The following ELMOD1 variants were observed in gnomAD, a reference collection of about 807,000 sequenced individuals.
ELMOD1 encodes ELMO domain-containing protein 1.
ELMOD1 carries 21 observed loss-of-function variants against 46.7 expected under a neutral mutation model. The observed-to-expected ratio is 0.45, with a 90% CI of 0.32 to 0.65. ELMOD1 has a LOEUF of 0.65. Ranked by LOEUF, ELMOD1 falls within the 30% of genes least tolerant of loss-of-function variation. The probability of loss-of-function intolerance (pLI) is 0.04; values close to 1 mark genes in which losing one functional copy is unlikely to be tolerated. For missense variants in ELMOD1, 348 were observed against 407.8 expected (o/e 0.85, Z 1.26); for synonymous variants, 122 against 138.2 (o/e 0.88, Z 0.82).
At chr11:107,608,895 T>G (rs1166938978) in intron 1 of ELMOD1, among the ~76,000 whole-genome samples, 1 of 152,202 alleles carries the variant, frequency 6.6e-6, no homozygotes, top group East Asian at 1.9e-4. Context: ...GAATATACTG[T>G]GTATTCTCTT....
chr11:107,630,434 G>A lies in ELMOD1; in HGVS notation c.35G>A (p.Cys12Tyr), dbSNP rs748426348. ...TTTCACAGAATGTTGATCCAGGTATGCCTGTATTTTTACTGTAAATTTCTG... is the reference window on the plus strand; with the variant it reads ...TTTCACAGAATGTTGATCCAGGTATACCTGTATTTTTACTGTAAATTTCTG... ...KHFLRMLIQV[C>Y]LYFYCKFLWR... Residue 12 changes from cysteine to tyrosine, a missense_variant, in exon 3 of 12, where the codon TGC (cysteine) becomes TAC (tyrosine). Transcript: ENST00000265840. 1.2e-6 allele frequency: 2 copies of A among 1,600,868 alleles called. No homozygotes were observed. Among genetic ancestry groups the A allele is most frequent in the African/African-American group, 2.7e-5 (2 of 74,930 alleles).
chr11:107,641,494 T>C (rs775284598), intron 6 of ELMOD1, among the ~76,000 whole-genome samples: 14 of 152,118 alleles, frequency 9.2e-5, no homozygotes, highest in Non-Finnish European at 1.5e-4. Flanking sequence ...TTAATACAAA[T>C]ATAAACAGGC....
At chr11:107,592,638 A>C in intron 1 of ELMOD1, 1 of 271,478 alleles carries the variant, frequency 3.7e-6, no homozygotes, top group South Asian at 3.8e-5. Flanking sequence ...CCAAAGGCAC[A>C]CTCTTGTATC....
At chr11:107,618,330 A>G in intron 2 of ELMOD1, 124 bp downstream of exon 2, 2 of 1,118,640 alleles carry the variant, frequency 1.8e-6, no homozygotes, top group Non-Finnish European at 1.3e-6. Context: ...TCTGTGAAAT[A>G]GCACTGCATT....
At chr11:107,630,027 A>G (rs958172556) in intron 2 of ELMOD1, among the ~76,000 whole-genome samples, 2 of 152,166 alleles carry the variant, frequency 1.3e-5, no homozygotes, top group Non-Finnish European at 2.9e-5. Flanking sequence ...CTGTTCATGG[A>G]GGCAAAAGAG....
At chr11:107,662,917 C>G (rs568729985) in intron 11 of ELMOD1, among the ~76,000 whole-genome samples, 79 of 151,274 alleles carry the variant, frequency 5.2e-4, no homozygotes, top group Non-Finnish European at 9.1e-4. Flanking sequence ...TTTGTAGAAA[C>G]GGGGTCTTCC....
intron 6 of ELMOD1, among the ~76,000 whole-genome samples, chr11:107,636,229 T>C (rs1866227088): frequency 6.6e-6 from 1 of 152,198 alleles, no homozygotes; most frequent in Non-Finnish European, 1.5e-5. Flanking sequence ...TGCATGTAAC[T>C]TAGTATTAGA....
chr11:107,602,425 C>G (rs1417577440), intron 1 of ELMOD1, among the ~76,000 whole-genome samples: 1 of 152,132 alleles, frequency 6.6e-6, no homozygotes, highest in Non-Finnish European at 1.5e-5. Context: ...CCAACATTCT[C>G]GCTTTTCTTT....
At chr11:107,593,163 T>C (rs1225498177) in intron 1 of ELMOD1, 1 of 152,684 alleles carries the variant, frequency 6.5e-6, no homozygotes, top group East Asian at 1.9e-4. Context: ...TCTGCAAGGC[T>C]GTTAGTAAGG....
At position 107,648,067 on chromosome 11, in the gene ELMOD1, T is replaced by C. The variant is rs577260404; in HGVS notation, c.554+466T>C. On this transcript the variant is annotated intron_variant, in intron 7 of 11. Coordinates refer to ENST00000265840, the MANE Select transcript of ELMOD1 (RefSeq NM_018712.4). ...TACCTCACATTCACCACAATGCCAT[T>C]ATCACAGCAAACACAATTAACAATG... Among the ~76,000 whole-genome samples the C allele has an allele frequency of 3.7e-4, 57 of 152,320 alleles. 1 individual carries two copies. Among genetic ancestry groups the C allele is most frequent in the Admixed American group, 3.1e-3 (48 of 15,300 alleles).
intron 1 of ELMOD1, among the ~76,000 whole-genome samples, chr11:107,615,523 A>G (rs1027609842): frequency 9.2e-5 from 14 of 151,658 alleles, no homozygotes; most frequent in African/African-American, 3.4e-4. Context: ...GTGAGCCACC[A>G]CACCCAGCCT....
At chr11:107,613,524 T>G (rs1448717860) in intron 1 of ELMOD1, among the ~76,000 whole-genome samples, 2 of 152,180 alleles carry the variant, frequency 1.3e-5, no homozygotes, top group Admixed American at 6.5e-5. Flanking sequence ...GCTGCGTTAC[T>G]CAGCACAATA....
chr11:107,650,212 C>T, intron 7 of ELMOD1, 123 bp from the exon 8 acceptor site: 1 of 620,370 alleles, frequency 1.6e-6, no homozygotes, highest in Non-Finnish European at 2.8e-6. Context: ...GGAGCTGAAA[C>T]AAGTGATAAC....
intron 5 of ELMOD1, 31 bp downstream of exon 5, chr11:107,631,708 A>G (rs1195716190): frequency 7.9e-7 from 1 of 1,270,814 alleles, no homozygotes; most frequent in South Asian, 1.4e-5. Context: ...TCAAAAATAC[A>G]GAACACAAAT....
chr11:107,624,120 C>A (rs1407601884), intron 2 of ELMOD1, among the ~76,000 whole-genome samples: 1 of 152,030 alleles, frequency 6.6e-6, no homozygotes, highest in East Asian at 1.9e-4. Context: ...ATATTTTGAA[C>A]CCTATAATTG....
In ELMOD1 at chr11:107,631,632, A is replaced by G. The variant is rs1866142561; in HGVS notation, c.245A>G (p.Glu82Gly). 6.4e-7 allele frequency: 1 copy of G among 1,564,190 alleles called. No individual in the cohort carries two copies. The highest frequency in any genetic ancestry group is 1.2e-5 in the South Asian group (1 of 84,364). Reference protein sequence around the residue: ...VHPDAIEKTIEDIMELKKINP... With the variant: ...VHPDAIEKTIGDIMELKKINP... ...CCCGACGCTATTGAAAAAACTATAG[A>G]AGATATCATGGAACTGAAAAAAATT... The change falls in exon 5 of 12, where the codon GAA (glutamate) becomes GGA (glycine). Residue 82 changes from glutamate (E) to glycine (G), a missense_variant. Coordinates refer to ENST00000265840, the MANE Select transcript of ELMOD1 (RefSeq NM_018712.4).
At position 107,666,010 on chromosome 11, in the gene ELMOD1, TAAA is replaced by T; in HGVS notation, c.*814_*816del. On this transcript the variant is annotated 3_prime_UTR_variant, in exon 12 of 12. Coordinates refer to ENST00000265840, the MANE Select transcript of ELMOD1 (RefSeq NM_018712.4). ...ATAAATAAATAAATAAATAAATAAATAAATAAAATAGTACAGACAGACACATGA... is the reference window on the plus strand; with the variant it reads ...ATAAATAAATAAATAAATAAATAAATTAAAATAGTACAGACAGACACATGA... 1 of 137,478 alleles carries T rather than the reference TAAA, an allele frequency of 7.3e-6. No homozygotes were observed. The highest frequency in any genetic ancestry group is 1.6e-5 in the Non-Finnish European group (1 of 61,948). 8.5% of individuals were successfully genotyped at this position (137,478 alleles called of 1,614,324 possible).
intron 10 of ELMOD1, 91 bp downstream of exon 10, chr11:107,654,313 T>G: frequency 1.8e-6 from 2 of 1,088,562 alleles, no homozygotes; most frequent in Non-Finnish European, 2.7e-6. Context: ...GGTGAAACTC[T>G]ACTTGTCCTA....
intron 2 of ELMOD1, among the ~76,000 whole-genome samples, chr11:107,618,757 C>T (rs1329471872): frequency 1.3e-5 from 2 of 152,010 alleles, no homozygotes; most frequent in Non-Finnish European, 2.9e-5. Flanking sequence ...CAGAGTATGC[C>T]ATAAATTGGT....
Sources: gnomAD v4.1 joint callset for allele counts (sites outside exome capture counted in the v4.1 genomes callset) on GRCh38, gnomAD v4.1.1 for gene constraint, MANE v1.5 for transcripts, NCBI Gene and HGNC (gene_info 2026-07-23, HGNC 2026-07-21) for gene names.